The following AAR2 variants were observed in gnomAD, a reference collection of about 807,000 sequenced individuals.
AAR2 encodes the protein protein AAR2 homolog.
A neutral mutation model predicts 26.9 loss-of-function variants in AAR2; 31 were observed. That is an observed-to-expected ratio of 1.15 (90% CI 0.86 to 1.55). The LOEUF (loss-of-function observed/expected upper bound fraction) is 1.55, where lower values mean the gene tolerates loss of function less well. Ranked by LOEUF, AAR2 falls within the 40% of genes most tolerant of loss-of-function variation. The probability of loss-of-function intolerance (pLI) is 0.00; values close to 1 mark genes in which losing one functional copy is unlikely to be tolerated. For synonymous variants in AAR2, 188 were observed against 196.1 expected (o/e 0.96, Z 0.34); for missense variants, 430 against 491.3 (o/e 0.88, Z 1.18).
At position 36,240,071 on chromosome 20, in the gene AAR2, C is replaced by T. The variant is rs779282101; in HGVS notation, c.203C>T (p.Pro68Leu). The T allele has an allele frequency of 5.6e-6, 9 of 1,614,102 alleles. No homozygotes were observed. The highest frequency in any genetic ancestry group is 4.5e-5 in the East Asian group (2 of 44,898). The change falls in exon 2 of 4, where the codon CCG (proline) becomes CTG (leucine). Residue 68 changes from proline to leucine, a missense_variant. Transcript: ENST00000320849. The stretch of plus-strand genomic sequence containing the variant: ...TACAGCTCTGTGGACAAGGCTAATC[C>T]GAAGGAAGTAGGCCCTCGTATGGGT... ...LHYSSVDKAN[P>L]KEVGPRMGFF...
intron 3 of AAR2, among the ~76,000 whole-genome samples, chr20:36,247,570 A>T (rs75007531): frequency 3.3e-5 from 5 of 152,012 alleles, no homozygotes; most frequent in Admixed American, 6.6e-5. Context: ...AAAAAAAAAA[A>T]TTGTTGTAAA....
Position 36,255,874 on chromosome 20 carries a change from C to A in AAR2, c.*129C>A. The A allele has an allele frequency of 8.6e-7, 1 of 1,165,574 alleles. No individual in the cohort carries two copies. The highest frequency in any genetic ancestry group is 1.2e-6 in the Non-Finnish European group (1 of 843,386). 72.2% of individuals were successfully genotyped at this position (1,165,574 alleles called of 1,614,324 possible). ...TCTCCAGGTCCTGCAAAGATGGAGC[C>A]AGAATTCCCTTTTTCACTGATAAAT... On this transcript the variant is annotated 3_prime_UTR_variant, in exon 4 of 4. Coordinates refer to ENST00000320849, the MANE Select transcript of AAR2 (RefSeq NM_001271874.2).
intron 1 of AAR2, among the ~76,000 whole-genome samples, chr20:36,239,031 A>C (rs2064648820): frequency 6.6e-6 from 1 of 152,202 alleles, no homozygotes; most frequent in African/African-American, 2.4e-5. Flanking sequence ...TCCCAGAGGC[A>C]ATGTCTGGGA....
intron 1 of AAR2, among the ~76,000 whole-genome samples, chr20:36,239,179 G>C (rs2064649804): frequency 1.3e-5 from 2 of 152,204 alleles, no homozygotes; most frequent in Non-Finnish European, 2.9e-5. Flanking sequence ...TCTTTGGGAA[G>C]TTGTTTCACT....
chr20:36,252,662 G>C (rs1269742511), intron 3 of AAR2, among the ~76,000 whole-genome samples: 9 of 152,190 alleles, frequency 5.9e-5, no homozygotes, highest in Non-Finnish European at 1.3e-4. Context: ...GGAAGCAGTG[G>C]CACATGTTTG....
chr20:36,238,579 G>A (rs1221287120), intron 1 of AAR2, among the ~76,000 whole-genome samples: 4 of 151,854 alleles, frequency 2.6e-5, no homozygotes, highest in African/African-American at 9.7e-5. Flanking sequence ...CACATGGTGA[G>A]ACCCTCTCTG....
intron 3 of AAR2, among the ~76,000 whole-genome samples, chr20:36,249,131 C>A (rs185606164): frequency 1.5e-4 from 23 of 152,244 alleles, no homozygotes; most frequent in Admixed American, 1.3e-3. Flanking sequence ...TTAAAGACAG[C>A]CACATTAGCA....
rs373770776 is a variant in AAR2, at chr20:36,255,541, G to A, written c.988-37G>A. 2.2e-5 allele frequency: 35 copies of A among 1,610,602 alleles called. No homozygotes were observed. The Middle Eastern group carries it at 9.9e-4, about 46-fold the overall frequency. On this transcript the variant is annotated intron_variant, in intron 3 of 3. Transcript: ENST00000320849. ...ACAGCTTTCTCGCCCCCTGCCCTCC[G>A]TCTTCTCAGGAGTGACTTATCCTCT...
intron 3 of AAR2, among the ~76,000 whole-genome samples, chr20:36,253,337 C>T (rs746264033): frequency 6.6e-6 from 1 of 152,106 alleles, no homozygotes; most frequent in African/African-American, 2.4e-5. Flanking sequence ...CTTCTTCCAC[C>T]GTCACAACCC....
At chr20:36,251,105 G>A (rs1218849123) in intron 3 of AAR2, among the ~76,000 whole-genome samples, 3 of 152,146 alleles carry the variant, frequency 2.0e-5, no homozygotes, top group Non-Finnish European at 4.4e-5. Context: ...GCCTAGATGT[G>A]TGGATCACTT....
chr20:36,248,372 G>C (rs2064754734), intron 3 of AAR2, among the ~76,000 whole-genome samples: 1 of 138,860 alleles, frequency 7.2e-6, no homozygotes, highest in Non-Finnish European at 1.5e-5. Flanking sequence ...GTCTTGGTCT[G>C]TAACCCAGGC....
chr20:36,237,196 T>A (rs1011617461), intron 1 of AAR2, among the ~76,000 whole-genome samples: 1 of 152,070 alleles, frequency 6.6e-6, no homozygotes, highest in African/African-American at 2.4e-5. Context: ...GCTAAAGGGG[T>A]TGCCAGGAGT....
intron 3 of AAR2, among the ~76,000 whole-genome samples, chr20:36,248,735 TAGG>T (rs1420790961): frequency 6.6e-6 from 1 of 152,122 alleles, no homozygotes; most frequent in Admixed American, 6.6e-5. Flanking sequence ...CAAAGGGCGT[TAGG>T]AGCACCAAAG....
chr20:36,255,102 AAGAC>A (rs1257377357), intron 3 of AAR2, among the ~76,000 whole-genome samples: 3 of 152,220 alleles, frequency 2.0e-5, no homozygotes. Context: ...AAAAAAATCA[AAGAC>A]AGCTTTTAAG....
Position 36,242,364 on chromosome 20 carries a change from T to TTTGTTGTTG in AAR2, c.757+1776_757+1784dup, listed in dbSNP as rs78763281. Among the ~76,000 whole-genome samples the TTTGTTGTTG allele has an allele frequency of 3.6e-4, 52 of 145,272 alleles. 1 individual carries two copies. The highest frequency in any genetic ancestry group is 2.4e-3 in the East Asian group (12 of 4,956). The stretch of plus-strand genomic sequence containing the variant: ...AACCTATATTTTAACAGGTACATCT[T>TTTGTTGTTG]TTGTTGTTGTTGTTGTTGTTGTTGT... On this transcript the variant is annotated intron_variant, in intron 2 of 3. Transcript: ENST00000320849.
In AAR2 at chr20:36,255,862, C is replaced by A; in HGVS notation, c.*117C>A. On this transcript the variant is annotated 3_prime_UTR_variant, in exon 4 of 4. Transcript: ENST00000320849. The stretch of plus-strand genomic sequence containing the variant: ...AGGGCAGCAATCTCTCCAGGTCCTG[C>A]AAAGATGGAGCCAGAATTCCCTTTT... 8.0e-7 allele frequency: 1 copy of A among 1,256,942 alleles called. No homozygotes were observed. The highest frequency in any genetic ancestry group is 1.1e-6 in the Non-Finnish European group (1 of 918,906). The allele number at this position is 1,256,942 out of a possible 1,614,324, so 77.9% of individuals were successfully genotyped here.
In AAR2 at chr20:36,255,711, T is replaced by C; in HGVS notation, c.1121T>C (p.Val374Ala). Reference sequence around the variant, plus strand: ...GAACCTGAGGACTGTGCCCCGGTGGTGGTGGAGCTCCCTGAGGGCATCGAG... The same window carrying C: ...GAACCTGAGGACTGTGCCCCGGTGGCGGTGGAGCTCCCTGAGGGCATCGAG... ...AAEPEDCAPV[V>A]VELPEGIEMG The change falls in exon 4 of 4, where the codon GTG (valine) becomes GCG (alanine). Residue 374 changes from valine (V) to alanine (A), a missense_variant. Coordinates refer to ENST00000320849, the MANE Select transcript of AAR2 (RefSeq NM_001271874.2). The C allele has an allele frequency of 6.2e-7, 1 of 1,614,038 alleles. No homozygotes were observed. Among genetic ancestry groups the C allele is most frequent in the Non-Finnish European group, 8.5e-7 (1 of 1,180,008 alleles).
intron 3 of AAR2, 123 bp from the exon 4 acceptor site, chr20:36,255,455 C>A: frequency 8.8e-7 from 1 of 1,140,824 alleles, no homozygotes; most frequent in Non-Finnish European, 1.3e-6. Flanking sequence ...TGTCCTGGGC[C>A]TATGCCAGCA....
At chr20:36,243,454 G>T (rs1258593667) in intron 2 of AAR2, among the ~76,000 whole-genome samples, 1 of 152,232 alleles carries the variant, frequency 6.6e-6, no homozygotes, top group African/African-American at 2.4e-5. Context: ...GTCTCTGGAG[G>T]TGGCACAGAT....
Sources: allele counts gnomAD v4.1 joint callset (sites outside exome capture counted in the v4.1 genomes callset), GRCh38; gene constraint gnomAD v4.1.1; transcripts MANE v1.5; gene names NCBI Gene and HGNC (gene_info 2026-07-23, HGNC 2026-07-21).